Variants in ZAN observed in about 807,000 individuals in gnomAD.
ZAN encodes zonadhesin.
In ZAN, 260 loss-of-function variants were observed where a neutral mutation model predicts 286.2. The observed-to-expected ratio is 0.91, with a 90% CI of 0.82 to 1.01. The LOEUF (loss-of-function observed/expected upper bound fraction) is 1.01. ZAN is among the 50% of genes least tolerant of loss of function. The probability of loss-of-function intolerance (pLI) is 0.00; values close to 1 mark genes in which losing one functional copy is unlikely to be tolerated. For missense variants in ZAN, 3,410 were observed against 3,639.2 expected, an observed-to-expected ratio of 0.94 and a Z score of 1.62; for synonymous variants, 1,368 against 1,417.5, an observed-to-expected ratio of 0.97 and a Z score of 0.79.
intron 37 of ZAN, among the ~76,000 whole-genome samples, chr7:100,787,051 G>T (rs1025320924): frequency 6.7e-6 from 1 of 150,286 alleles, no homozygotes; most frequent in Non-Finnish European, 1.5e-5. Context: ...CACAGAGTGA[G>T]ATCTTGTCTC....
At chr7:100,759,634 TCCCTG>T in intron 17 of ZAN, 82 bp from the exon 18 acceptor site, 1 of 1,307,476 alleles carries the variant, frequency 7.6e-7, no homozygotes. Context: ...CGCTCATCTC[TCCCTG>T]CGGCGCCAGG....
chr7:100,789,949 A>G (rs1811827987), intron 39 of ZAN, among the ~76,000 whole-genome samples: 1 of 151,804 alleles, frequency 6.6e-6, no homozygotes, highest in South Asian at 2.1e-4. Flanking sequence ...CCATCTCAAA[A>G]AAAATTTTTT....
intron 35 of ZAN, among the ~76,000 whole-genome samples, chr7:100,781,984 G>C (rs1438129233): frequency 2.0e-5 from 3 of 152,138 alleles, no homozygotes; most frequent in African/African-American, 7.2e-5. Flanking sequence ...TTATGAGTGA[G>C]ATTGGACATT....
Position 100,734,133 on chromosome 7 carries a change from T to TGG in ZAN, c.-36_-35insGG. On this transcript the variant is annotated 5_prime_UTR_variant, in exon 2 of 48. Coordinates refer to ENST00000613979, the MANE Select transcript of ZAN (RefSeq NM_003386.3). ...GAGTCCAGGCTCCCAACTGTGCCCT[T>TGG]CCCCTCTCCCCTGGGAGCAACCACT... The TGG allele has an allele frequency of 7.3e-7, 1 of 1,370,006 alleles. No homozygotes were observed. Among genetic ancestry groups the TGG allele is most frequent in the Non-Finnish European group, 1.0e-6 (1 of 993,434 alleles). The allele number at this position is 1,370,006 out of a possible 1,614,324, so 84.9% of individuals were successfully genotyped here.
intron 8 of ZAN, 34 bp downstream of exon 8, chr7:100,746,736 T>C (rs2293769): frequency 0.3 from 476,527 of 1,607,806 alleles, 71,821 homozygotes; most frequent in African/African-American, 0.31. Flanking sequence ...TTTACACTGA[T>C]CTGGGCGCAT....
chr7:100,754,187 G>A (rs1808986720), intron 14 of ZAN, among the ~76,000 whole-genome samples: 1 of 152,078 alleles, frequency 6.6e-6, no homozygotes, highest in South Asian at 2.1e-4. Flanking sequence ...GGCCAGGCAC[G>A]GTGGCTCACG....
intron 42 of ZAN, among the ~76,000 whole-genome samples, chr7:100,793,323 A>G (rs2116343309): frequency 6.6e-6 from 1 of 152,080 alleles, no homozygotes. Context: ...AGCCTGGGCA[A>G]CAGAGTGACT....
At position 100,795,285 on chromosome 7, in the gene ZAN, G is replaced by A. The variant is rs376317138; in HGVS notation, c.8215G>A (p.Gly2739Arg). Residue 2739 changes from glycine (G) to arginine (R), a missense_variant, in exon 45 of 48, where the codon GGG becomes AGG. Gly to Arg is a moderately radical substitution (Grantham distance 125). Around this residue, in one of 7 missense-constraint regions of ZAN, gnomAD observed 1,289 missense variants for 1,314.3 expected, o/e 0.98. Coordinates refer to ENST00000613979, the MANE Select transcript of ZAN (RefSeq NM_003386.3). ...TFTCECEVGY[G>R]GGLCMEPRDA... ...CACCTGCGAGTGTGAAGTTGGTTAC[G>A]GGGGAGGCCTGTGTATGGAGCCTCG... 89 of 1,611,042 alleles carry A rather than the reference G, an allele frequency of 5.5e-5. No homozygotes were observed. The highest frequency in any genetic ancestry group is 6.9e-5 in the Non-Finnish European group (81 of 1,178,642).
chr7:100,760,585 T>C, intron 19 of ZAN, 49 bp downstream of exon 19: 1 of 1,605,070 alleles, frequency 6.2e-7, no homozygotes, highest in Non-Finnish European at 8.5e-7. Flanking sequence ...CTGCTGCCTC[T>C]TCCTGCTGCC....
intron 15 of ZAN, among the ~76,000 whole-genome samples, chr7:100,756,013 G>T (rs963402263): frequency 6.6e-6 from 1 of 151,872 alleles, no homozygotes; most frequent in African/African-American, 2.4e-5. Flanking sequence ...CCTCAGCCCC[G>T]CAAGTAGCTG....
intron 15 of ZAN, among the ~76,000 whole-genome samples, chr7:100,757,710 A>G (rs1411051255): frequency 6.7e-6 from 1 of 148,468 alleles, no homozygotes; most frequent in Non-Finnish European, 1.5e-5. Context: ...AGCCAAGATC[A>G]CGCCACTTCA....
intron 14 of ZAN, 82 bp from the exon 15 acceptor site, chr7:100,755,144 A>G (rs1393767619): frequency 2.7e-6 from 4 of 1,465,836 alleles, no homozygotes; most frequent in Non-Finnish European, 3.7e-6. Flanking sequence ...GAAGAACTTG[A>G]GTTTGGGGGT....
In ZAN at chr7:100,765,427, C is replaced by T. The variant is rs757966570; in HGVS notation, c.4343C>T (p.Ser1448Phe). 1.2e-6 allele frequency: 2 copies of T among 1,613,964 alleles called. No homozygotes were observed. The highest frequency in any genetic ancestry group is 2.2e-5 in the South Asian group (2 of 91,074). Residue 1448 changes from serine to phenylalanine, a missense_variant, in exon 23 of 48, where the codon TCC (serine) becomes TTC (phenylalanine). Ser to Phe is a radical substitution (Grantham distance 155). Transcript: ENST00000613979. ...CCTGACACCTGCCATTCAGGATTCT[C>T]CGGCATGTTCTGCTCAGACCGGTGC... is the stretch of plus-strand genomic sequence containing the variant. ...PCPDTCHSGF[S>F]GMFCSDRCVE...
chr7:100,756,681 G>A (rs1001544613), intron 15 of ZAN, among the ~76,000 whole-genome samples: 8 of 151,878 alleles, frequency 5.3e-5, no homozygotes, highest in Non-Finnish European at 1.5e-5. Context: ...TGCCCTAGGA[G>A]GCATGTATTC....
In ZAN at chr7:100,752,380, C is replaced by A. The variant is rs770843042; in HGVS notation, c.2275C>A (p.Pro759Thr). ...TEKPTISPEK[P>T]TTPTEKPTIS... is the part of the protein sequence containing the mutation. ...AAAACCCACCATCTCCCCAGAAAAA[C>A]CCACCACCCCCACAGAAAAACCCAC... The change falls in exon 14 of 48, where the codon CCC becomes ACC. Residue 759 changes from proline (P) to threonine (T), a missense_variant. By Grantham distance (38) the Pro-to-Thr change is conservative (BLOSUM62 -1). Transcript: ENST00000613979. The A allele has an allele frequency of 1.9e-6, 3 of 1,547,260 alleles. No homozygotes were observed. Among genetic ancestry groups the A allele is most frequent in the Non-Finnish European group, 2.6e-6 (3 of 1,143,498 alleles).
At chr7:100,758,444 C>A in intron 16 of ZAN, 87 bp from the exon 17 acceptor site, 2 of 1,571,550 alleles carry the variant, frequency 1.3e-6, no homozygotes. Context: ...TGGGGGCCTG[C>A]CACCGGGCAG....
chr7:100,735,428 G>A (rs935183195), intron 2 of ZAN, among the ~76,000 whole-genome samples: 3 of 136,232 alleles, frequency 2.2e-5, no homozygotes, highest in East Asian at 2.1e-4. Flanking sequence ...TTAGCTGGGC[G>A]TGGTGGCATG....
chr7:100,786,431 G>A (rs1167931988), intron 37 of ZAN, among the ~76,000 whole-genome samples: 1 of 152,102 alleles, frequency 6.6e-6, no homozygotes, highest in Non-Finnish European at 1.5e-5. Flanking sequence ...TTTTGAGATA[G>A]GGTCTTGCTC....
At chr7:100,760,635 CCCTGGCACCACTACTTGAT>C in intron 19 of ZAN, 99 bp downstream of exon 19, 1 of 1,496,676 alleles carries the variant, frequency 6.7e-7, no homozygotes, top group Non-Finnish European at 9.0e-7. Context: ...CCCCTTCCAT[CCCTGGCACCACTACTTGAT>C]CCTTTATGCA....
Sources: gnomAD v4.1 joint callset for allele counts (sites outside exome capture counted in the v4.1 genomes callset) on GRCh38, gnomAD v4.1.1 for gene constraint, gnomAD v4.1.1 regional missense constraint, MANE v1.5 for transcripts, NCBI Gene and HGNC (gene_info 2026-07-23, HGNC 2026-07-21) for gene names.